CNTNAP4: variants seen among roughly 807,000 people sequenced by gnomAD.
The protein encoded by CNTNAP4 is contactin-associated protein-like 4.
A neutral mutation model predicts 148.4 loss-of-function variants in CNTNAP4; 98 were observed. The ratio of observed to expected loss-of-function variants is 0.66; its 90% CI spans 0.56 to 0.78. The LOEUF is 0.78. Among genes scored for constraint, CNTNAP4 ranks in the 30% least tolerant of loss-of-function variants. CNTNAP4 has a pLI of 0.00. For missense variants in CNTNAP4, 1,935 were observed against 1,565.6 expected (o/e 1.24, Z -3.98); for synonymous variants, 730 against 565.1 (o/e 1.29, Z -4.14).
chr16:76,297,346 C>CT (rs1216871781), intron 1 of CNTNAP4, among the ~76,000 whole-genome samples: 1 of 152,100 alleles, frequency 6.6e-6, no homozygotes, highest in East Asian at 1.9e-4. Flanking sequence ...TCACAAAGTA[C>CT]TTGAGGTGCT....
chr16:76,402,413 G>T (rs1187916184), intron 3 of CNTNAP4, among the ~76,000 whole-genome samples: 1 of 151,380 alleles, frequency 6.6e-6, no homozygotes, highest in Non-Finnish European at 1.5e-5. Context: ...ACTTCTAATT[G>T]TGTTTATTTG....
At chr16:76,321,565 G>A (rs1220614202) in intron 2 of CNTNAP4, among the ~76,000 whole-genome samples, 1 of 152,084 alleles carries the variant, frequency 6.6e-6, no homozygotes, top group African/African-American at 2.4e-5. Context: ...CAAAGCGGGT[G>A]GATCACGAGG....
intron 3 of CNTNAP4, among the ~76,000 whole-genome samples, chr16:76,422,737 G>C (rs1383859709): frequency 2.6e-5 from 4 of 151,982 alleles, no homozygotes; most frequent in Non-Finnish European, 5.9e-5. Flanking sequence ...TGTAAAGTGG[G>C]TACAAAAATA....
Position 76,465,977 on chromosome 16 carries a change from T to C in CNTNAP4, c.1484-1375T>C, listed in dbSNP as rs1359848570. On this transcript the variant is annotated intron_variant, in intron 9 of 23. Transcript: ENST00000611870. Reference sequence around the variant, plus strand: ...TCAAACAATTTAATTACAGTGGAAATTCACAAGTAGAAAACTAGTGTGGAT... The same window carrying C: ...TCAAACAATTTAATTACAGTGGAAACTCACAAGTAGAAAACTAGTGTGGAT... 2.0e-5 allele frequency among the ~76,000 whole-genome samples: 3 copies of C among 152,228 alleles called. No individual in the cohort carries two copies. In the East Asian group the frequency reaches 5.8e-4, roughly 29 times the overall value.
intron 2 of CNTNAP4, among the ~76,000 whole-genome samples, chr16:76,320,246 TAAACAATGAACTTA>T (rs1054904181): frequency 4.5e-4 from 69 of 152,310 alleles, no homozygotes; most frequent in Non-Finnish European, 8.4e-4. Flanking sequence ...TTAGATCTTG[TAAACAATGAACTTA>T]GATAATTACC....
chr16:76,315,596 T>C (rs1314968827), intron 1 of CNTNAP4, among the ~76,000 whole-genome samples: 3 of 152,182 alleles, frequency 2.0e-5, no homozygotes, highest in Non-Finnish European at 4.4e-5. Context: ...GGATCTGTGC[T>C]GTGAAGTCTG....
intron 1 of CNTNAP4, among the ~76,000 whole-genome samples, chr16:76,281,009 A>G (rs966839908): frequency 3.9e-5 from 6 of 152,094 alleles, no homozygotes; most frequent in African/African-American, 1.2e-4. Flanking sequence ...ATGCTCCCCA[A>G]TGACTTAATT....
chr16:76,506,774 T>C (rs1211403438), intron 15 of CNTNAP4, among the ~76,000 whole-genome samples: 1 of 95,036 alleles, frequency 1.1e-5, no homozygotes, highest in African/African-American at 2.6e-5. Context: ...CCTGCCTGGG[T>C]ATGAGAATTG....
chr16:76,542,819 A>T (rs552170989), intron 21 of CNTNAP4, among the ~76,000 whole-genome samples: 15 of 152,274 alleles, frequency 9.9e-5, no homozygotes, highest in African/African-American at 3.6e-4. Flanking sequence ...AGATACCATT[A>T]ATGAGTGGAA....
intron 3 of CNTNAP4, among the ~76,000 whole-genome samples, chr16:76,417,019 A>T (rs553132701): frequency 6.6e-6 from 1 of 151,488 alleles, no homozygotes; most frequent in South Asian, 2.1e-4. Context: ...AAATTAATGT[A>T]GCTCCTTCGG....
At chr16:76,463,605 G>A (rs530938951) in intron 9 of CNTNAP4, among the ~76,000 whole-genome samples, 1 of 152,142 alleles carries the variant, frequency 6.6e-6, no homozygotes, top group Non-Finnish European at 1.5e-5. Flanking sequence ...AATATAGAGA[G>A]TTCCTGCACA....
intron 15 of CNTNAP4, among the ~76,000 whole-genome samples, chr16:76,503,231 T>C (rs2082719420): frequency 6.6e-6 from 1 of 152,178 alleles, no homozygotes; most frequent in South Asian, 2.1e-4. Context: ...TCACTACTCC[T>C]ATTCAATCTA....
At chr16:76,303,326 G>A (rs904565484) in intron 1 of CNTNAP4, among the ~76,000 whole-genome samples, 2 of 152,092 alleles carry the variant, frequency 1.3e-5, no homozygotes, top group African/African-American at 4.8e-5. Context: ...TCATCTTTAA[G>A]TGTGATACTT....
rs552373287 is a variant in CNTNAP4 at position 76,533,909 on chromosome 16, C to G, written c.2756-1636C>G. On this transcript the variant is annotated intron_variant, in intron 17 of 23. Transcript: ENST00000611870. ...GAGAAACCAAGTATGTAAATGGAAA[C>G]ATTTTGAATAGACATTTAAATACAG... is the stretch of plus-strand genomic sequence containing the variant. 5.3e-5 allele frequency among the ~76,000 whole-genome samples: 8 copies of G among 152,248 alleles called. 1 individual carries two copies. The highest frequency in any genetic ancestry group is 2.6e-4 in the Admixed American group (4 of 15,278).
Position 76,431,169 on chromosome 16 carries a change from A to G in CNTNAP4, c.538+3570A>G, listed in dbSNP as rs532847485. 5.9e-5 allele frequency among the ~76,000 whole-genome samples: 9 copies of G among 152,246 alleles called. No individual in the cohort carries two copies. The East Asian group carries it at 1.2e-3, about 20-fold the overall frequency. Reference sequence around the variant, plus strand: ...AAAGTTGCAGATATTTTCACATGGGAGACTGAAAGGATGGTCCAAATAGGA... The same window carrying G: ...AAAGTTGCAGATATTTTCACATGGGGGACTGAAAGGATGGTCCAAATAGGA... On this transcript the variant is annotated intron_variant, in intron 4 of 23. Transcript: ENST00000611870.
At chr16:76,371,410 T>C (rs28665736) in intron 3 of CNTNAP4, among the ~76,000 whole-genome samples, 7,147 of 152,130 alleles carry the variant, frequency 0.047, 552 homozygotes, top group African/African-American at 0.16. Flanking sequence ...CTCAGCCTCC[T>C]GAGTAGCTGG....
At chr16:76,461,599 G>GCAAA (rs1436865512) in intron 8 of CNTNAP4, among the ~76,000 whole-genome samples, 3 of 152,132 alleles carry the variant, frequency 2.0e-5, no homozygotes, top group South Asian at 2.1e-4. Context: ...ATAAAACAGT[G>GCAAA]CAAAGTAGCA....
intron 6 of CNTNAP4, 142 bp downstream of exon 6, chr16:76,449,093 C>T (rs910453091): frequency 1.5e-5 from 11 of 733,614 alleles, no homozygotes; most frequent in Non-Finnish European, 2.0e-5. Context: ...GTCTAACTCA[C>T]AGTGGCAGCT....
At chr16:76,363,075 A>G (rs1272869450) in intron 3 of CNTNAP4, among the ~76,000 whole-genome samples, 1 of 151,374 alleles carries the variant, frequency 6.6e-6, no homozygotes, top group East Asian at 1.9e-4. Flanking sequence ...AAAAAAATAG[A>G]CAATGGGGAA....
Sources: gnomAD v4.1 joint callset for allele counts (sites outside exome capture counted in the v4.1 genomes callset) on GRCh38, gnomAD v4.1.1 for gene constraint, MANE v1.5 for transcripts, NCBI Gene and HGNC (gene_info 2026-07-23, HGNC 2026-07-21) for gene names.